Variants in SCHIP1 observed in about 807,000 individuals in gnomAD.
SCHIP1 encodes schwannomin-interacting protein 1.
A neutral mutation model predicts 29.7 loss-of-function variants in SCHIP1; 8 were observed. The observed-to-expected ratio is 0.27, with a 90% CI of 0.16 to 0.49. SCHIP1 has a LOEUF of 0.49. Ranked by LOEUF, SCHIP1 falls within the 20% of genes least tolerant of loss-of-function variation. The pLI, the probability that SCHIP1 is intolerant of heterozygous loss-of-function variation, is 0.99. For synonymous variants in SCHIP1, 76 were observed against 94.9 expected, an observed-to-expected ratio of 0.80 and a Z score of 1.16; for missense variants, 193 against 294.6, an observed-to-expected ratio of 0.66 and a Z score of 2.52.
chr3:159,480,790 G>A, the SCHIP1 span, among the ~76,000 whole-genome samples: 4 of 152,126 alleles, frequency 2.6e-5, no homozygotes, highest in African/African-American at 7.2e-5. Flanking sequence ...GCAACACCTG[G>A]GTGTCACGCA....
the SCHIP1 span, among the ~76,000 whole-genome samples, chr3:159,520,108 A>C: frequency 6.6e-6 from 1 of 151,444 alleles, no homozygotes; most frequent in South Asian, 2.1e-4. Flanking sequence ...AAAAAAAAAA[A>C]AAAAAAACTC....
chr3:159,419,064 CAAAAA>C, the SCHIP1 span, among the ~76,000 whole-genome samples: 2 of 151,600 alleles, frequency 1.3e-5, no homozygotes, highest in African/African-American at 4.9e-5. Flanking sequence ...TCCTTGCAAA[CAAAAA>C]AAAACATGAG....
the SCHIP1 span, among the ~76,000 whole-genome samples, chr3:159,368,383 A>G: frequency 4.1e-4 from 62 of 152,158 alleles, no homozygotes; most frequent in Non-Finnish European, 1.9e-4. Context: ...TATTTCACAC[A>G]TCTAGCCATA....
At chr3:159,721,486 A>G in the SCHIP1 span, 1 of 153,242 alleles carries the variant, frequency 6.5e-6, no homozygotes, top group African/African-American at 2.4e-5. Context: ...ATGGAGAGAG[A>G]AAGAACTGGT....
chr3:159,692,959 G>A, the SCHIP1 span, among the ~76,000 whole-genome samples: 3 of 152,124 alleles, frequency 2.0e-5, no homozygotes, highest in Non-Finnish European at 4.4e-5. Context: ...GCAGGTCACT[G>A]GCAAACTGAA....
At chr3:159,328,453 G>A in the SCHIP1 span, among the ~76,000 whole-genome samples, 2 of 152,226 alleles carry the variant, frequency 1.3e-5, no homozygotes, top group Non-Finnish European at 2.9e-5. Flanking sequence ...AAGAGACAGT[G>A]GTCAAATATA....
At chr3:159,537,909 A>G in the SCHIP1 span, among the ~76,000 whole-genome samples, 12 of 152,202 alleles carry the variant, frequency 7.9e-5, no homozygotes, top group African/African-American at 2.7e-4. Context: ...GTCACAGAAG[A>G]TCAAATTAAA....
the SCHIP1 span, among the ~76,000 whole-genome samples, chr3:159,413,797 C>T: frequency 6.6e-6 from 1 of 152,194 alleles, no homozygotes; most frequent in South Asian, 2.1e-4. Flanking sequence ...AAGGACAATG[C>T]CTTTCTTTAT....
the SCHIP1 span, among the ~76,000 whole-genome samples, chr3:159,711,772 T>G: frequency 5.3e-5 from 8 of 152,282 alleles, no homozygotes; most frequent in Non-Finnish European, 1.0e-4. Flanking sequence ...ACACAGGGAA[T>G]TAGGTGCTTA....
chr3:159,715,232 AC>A, the SCHIP1 span, among the ~76,000 whole-genome samples: 3 of 152,166 alleles, frequency 2.0e-5, no homozygotes, highest in African/African-American at 7.2e-5. Flanking sequence ...CCACACCAAA[AC>A]CCCATCTATA....
intron 2 of SCHIP1, among the ~76,000 whole-genome samples, chr3:159,867,108 G>A (rs1269911687): frequency 1.3e-5 from 2 of 152,132 alleles, no homozygotes; most frequent in African/African-American, 4.8e-5. Context: ...TACAAATACG[G>A]GTATTCCAAG....
At chr3:159,571,645 T>C in the SCHIP1 span, among the ~76,000 whole-genome samples, 1 of 152,220 alleles carries the variant, frequency 6.6e-6, no homozygotes. Context: ...CCTCATAAAA[T>C]GAGTTAGGGA....
the SCHIP1 span, among the ~76,000 whole-genome samples, chr3:159,650,176 C>A: frequency 1.3e-5 from 2 of 152,108 alleles, no homozygotes; most frequent in African/African-American, 4.8e-5. Context: ...TCTTTGTTCT[C>A]CCTGGAGCAT....
chr3:159,780,138 C>G, the SCHIP1 span, among the ~76,000 whole-genome samples: 14 of 152,178 alleles, frequency 9.2e-5, no homozygotes, highest in African/African-American at 3.4e-4. Context: ...TCCTTCTCCT[C>G]CCCTGGCTCT....
At chr3:159,287,641 A>G in the SCHIP1 span, among the ~76,000 whole-genome samples, 13 of 152,210 alleles carry the variant, frequency 8.5e-5, no homozygotes, top group African/African-American at 3.1e-4. Context: ...TAAGTATTTT[A>G]CATATGCTAA....
the SCHIP1 span, among the ~76,000 whole-genome samples, chr3:159,632,758 G>A: frequency 1.3e-5 from 2 of 152,260 alleles, no homozygotes; most frequent in Non-Finnish European, 2.9e-5. Context: ...AGGGGAGGAC[G>A]GACTATGATG....
chr3:159,397,993 A>G, the SCHIP1 span, among the ~76,000 whole-genome samples: 1 of 152,042 alleles, frequency 6.6e-6, no homozygotes. Flanking sequence ...TGGGTGCAGG[A>G]CCCTCCAAGC....
chr3:159,802,044 C>T, the SCHIP1 span, among the ~76,000 whole-genome samples: 1 of 152,104 alleles, frequency 6.6e-6, no homozygotes, highest in African/African-American at 2.4e-5. Context: ...GAGACTAAAC[C>T]TTATTAAATC....
At chr3:159,455,265 A>C in the SCHIP1 span, among the ~76,000 whole-genome samples, 1 of 152,200 alleles carries the variant, frequency 6.6e-6, no homozygotes, top group Non-Finnish European at 1.5e-5. Flanking sequence ...TGCCAAGAAC[A>C]TGTGAATAAT....
Sources: allele counts gnomAD v4.1 joint callset (sites outside exome capture counted in the v4.1 genomes callset), GRCh38; gene constraint gnomAD v4.1.1; transcripts MANE v1.5; gene names NCBI Gene and HGNC (gene_info 2026-07-23, HGNC 2026-07-21).